The following NT5DC1 variants were observed in gnomAD, a reference collection of about 807,000 sequenced individuals.
NT5DC1 encodes 5'-nucleotidase domain containing 1, also known as 5'-nucleotidase domain-containing protein 1.
NT5DC1 carries 42 observed loss-of-function variants against 59.4 expected under a neutral mutation model. The observed-to-expected ratio is 0.71, with a 90% CI of 0.55 to 0.92. The LOEUF (loss-of-function observed/expected upper bound fraction) is 0.92. Ranked by LOEUF, NT5DC1 falls within the 40% of genes least tolerant of loss-of-function variation. The pLI is 0.00. For missense variants in NT5DC1, 501 were observed against 537.1 expected, an observed-to-expected ratio of 0.93 and a Z score of 0.66; for synonymous variants, 172 against 188.1, an observed-to-expected ratio of 0.91 and a Z score of 0.70.
intron 6 of NT5DC1, among the ~76,000 whole-genome samples, chr6:116,182,613 G>C (rs1283408216): frequency 1.3e-5 from 2 of 151,956 alleles, no homozygotes; most frequent in Non-Finnish European, 2.9e-5. Context: ...TTATGGTTTT[G>C]GTTTGCATTT....
At chr6:116,173,272 G>A (rs541103885) in intron 6 of NT5DC1, among the ~76,000 whole-genome samples, 39 of 152,258 alleles carry the variant, frequency 2.6e-4, no homozygotes, top group African/African-American at 9.1e-4. Flanking sequence ...GCTGCTCCAC[G>A]TTTTATTTTT....
At chr6:116,235,094 A>C (rs1170563735) in intron 8 of NT5DC1, among the ~76,000 whole-genome samples, 2 of 142,488 alleles carry the variant, frequency 1.4e-5, no homozygotes, top group Admixed American at 1.4e-4. Context: ...TTAAGAAGTT[A>C]TAATACTATG....
rs374382758 is a variant in NT5DC1, at chr6:116,223,071, A to G, written c.742A>G (p.Asn248Asp). ...FTDLFDIVIT[N>D]ALKPGFFSHL... The stretch of plus-strand genomic sequence containing the variant: ...AGACCTTTTTGACATTGTGATTACA[A>G]ATGCATTGAAGCCTGGTTTCTTCTC... Residue 248 changes from asparagine to aspartate, a missense_variant, in exon 8 of 12, where the codon AAT (asparagine) becomes GAT (aspartate). Physicochemically the swap from Asn to Asp is conservative, Grantham distance 23. Transcript: ENST00000319550. 1 of 1,606,932 alleles carries G rather than the reference A, an allele frequency of 6.2e-7. No individual in the cohort carries two copies. Among genetic ancestry groups the G allele is most frequent in the Non-Finnish European group, 8.5e-7 (1 of 1,173,992 alleles).
intron 4 of NT5DC1, among the ~76,000 whole-genome samples, chr6:116,115,371 A>G (rs146279774): frequency 4.3e-4 from 66 of 152,378 alleles, no homozygotes; most frequent in African/African-American, 1.5e-3. Flanking sequence ...TGACATAGAT[A>G]ACATCATATG....
At chr6:116,199,999 T>TG (rs57087378) in intron 6 of NT5DC1, among the ~76,000 whole-genome samples, 35 of 115,462 alleles carry the variant, frequency 3.0e-4, no homozygotes, top group Non-Finnish European at 4.6e-4. Flanking sequence ...GTATGGAAAG[T>TG]GGGGGGGGAA....
chr6:116,140,184 A>G (rs1779731623), intron 6 of NT5DC1, among the ~76,000 whole-genome samples: 2 of 152,166 alleles, frequency 1.3e-5, no homozygotes, highest in African/African-American at 2.4e-5. Flanking sequence ...GCTCTCAGGT[A>G]TTTTCAAGTA....
At chr6:116,146,131 A>C (rs1313161812) in intron 6 of NT5DC1, among the ~76,000 whole-genome samples, 1 of 152,228 alleles carries the variant, frequency 6.6e-6, no homozygotes, top group Non-Finnish European at 1.5e-5. Flanking sequence ...TAATGAAAAA[A>C]AACTTTCATG....
chr6:116,142,344 A>G (rs1779788654), intron 6 of NT5DC1, among the ~76,000 whole-genome samples: 1 of 151,340 alleles, frequency 6.6e-6, no homozygotes, highest in South Asian at 2.1e-4. Flanking sequence ...TTCAAGTTGT[A>G]AAAAAAAATT....
chr6:116,147,189 C>G (rs1028926632), intron 6 of NT5DC1, among the ~76,000 whole-genome samples: 1 of 151,748 alleles, frequency 6.6e-6, no homozygotes, highest in African/African-American at 2.4e-5. Context: ...ACCTGTAATC[C>G]TAGCACTTTG....
At chr6:116,120,811 G>A in intron 6 of NT5DC1, 1 of 1,612,818 alleles carries the variant, frequency 6.2e-7, no homozygotes, top group East Asian at 2.2e-5. Context: ...CCTCTCCATT[G>A]TGTCCGGGCA....
chr6:116,228,916 G>A (rs1306877837), intron 8 of NT5DC1, among the ~76,000 whole-genome samples: 1 of 151,822 alleles, frequency 6.6e-6, no homozygotes, highest in Admixed American at 6.6e-5. Context: ...TCTACCACTG[G>A]GAAGCTTTTA....
rs185242112 is a variant in NT5DC1 at position 116,148,565 on chromosome 6, A to C, written c.529+30620A>C. On this transcript the variant is annotated intron_variant, in intron 6 of 11. Transcript: ENST00000319550. Reference sequence around the variant, plus strand: ...TTGTACTCAGAATGTGAACATGTTAATTAATAGAAGTATTACTATGATAAC... The same window carrying C: ...TTGTACTCAGAATGTGAACATGTTACTTAATAGAAGTATTACTATGATAAC... Among the ~76,000 whole-genome samples the C allele has an allele frequency of 2.6e-5, 4 of 152,322 alleles. No individual in the cohort carries two copies. In the East Asian group the frequency reaches 7.7e-4, roughly 29 times the overall value.
At chr6:116,154,747 A>G (rs1469539990) in intron 6 of NT5DC1, among the ~76,000 whole-genome samples, 1 of 152,186 alleles carries the variant, frequency 6.6e-6, no homozygotes, top group Non-Finnish European at 1.5e-5. Context: ...ATTTTATTTC[A>G]CTCATCAAAC....
chr6:116,230,943 T>C (rs2114552520), intron 8 of NT5DC1, among the ~76,000 whole-genome samples: 1 of 151,890 alleles, frequency 6.6e-6, no homozygotes, highest in African/African-American at 2.4e-5. Context: ...CCATCTCCAC[T>C]AAAAGTACAA....
At chr6:116,141,435 C>T (rs537884193) in intron 6 of NT5DC1, among the ~76,000 whole-genome samples, 2 of 152,152 alleles carry the variant, frequency 1.3e-5, no homozygotes, top group African/African-American at 4.8e-5. Context: ...CTCCATTGTT[C>T]AAAATAATTC....
intron 4 of NT5DC1, among the ~76,000 whole-genome samples, chr6:116,113,358 G>C (rs1269001020): frequency 6.6e-6 from 1 of 152,178 alleles, no homozygotes. Context: ...AAAGGGAGTA[G>C]GGTTGGTAGT....
intron 11 of NT5DC1, among the ~76,000 whole-genome samples, chr6:116,241,933 AAAAAACAAAAC>A (rs539724384): frequency 0.09 from 2,521 of 28,114 alleles, 307 homozygotes; most frequent in South Asian, 0.26. Flanking sequence ...AAAAAAAAAA[AAAAAACAAAAC>A]AAAAAAAAAA....
At chr6:116,195,873 C>A (rs1781215776) in intron 6 of NT5DC1, among the ~76,000 whole-genome samples, 1 of 151,830 alleles carries the variant, frequency 6.6e-6, no homozygotes, top group Admixed American at 6.6e-5. Flanking sequence ...TAGAAGAGAC[C>A]AAAAAGCTAT....
At chr6:116,230,139 C>T (rs1456379591) in intron 8 of NT5DC1, among the ~76,000 whole-genome samples, 3 of 152,154 alleles carry the variant, frequency 2.0e-5, no homozygotes, top group Non-Finnish European at 4.4e-5. Context: ...TCCTCCTCTC[C>T]CTTTCCACTA....
Sources: allele counts gnomAD v4.1 joint callset (sites outside exome capture counted in the v4.1 genomes callset), GRCh38; gene constraint gnomAD v4.1.1; transcripts MANE v1.5; gene names NCBI Gene and HGNC (gene_info 2026-07-23, HGNC 2026-07-21).